The following APBA2 variants were observed in gnomAD, a reference collection of about 807,000 sequenced individuals.
APBA2 encodes the protein amyloid-beta A4 precursor protein-binding family A member 2.
Under a neutral mutation model 75.0 loss-of-function variants are expected in APBA2, and 30 were observed. The ratio of observed to expected loss-of-function variants is 0.40; its 90% CI spans 0.30 to 0.54. The LOEUF (loss-of-function observed/expected upper bound fraction) is 0.54. Among genes scored for constraint, APBA2 ranks in the 20% least tolerant of loss-of-function variants. APBA2 has a pLI of 0.49. For missense variants in APBA2, 801 were observed against 1,016.1 expected (o/e 0.79, Z 2.88); for synonymous variants, 444 against 409.6 (o/e 1.08, Z -1.01).
At chr15:28,929,558 T>TG (rs2034454158) in intron 2 of APBA2, among the ~76,000 whole-genome samples, 1 of 152,164 alleles carries the variant, frequency 6.6e-6, no homozygotes. Context: ...CAGGCTTCCC[T>TG]GGGGCAACAG....
At chr15:28,950,544 G>A (rs886913632) in intron 2 of APBA2, among the ~76,000 whole-genome samples, 3 of 151,544 alleles carry the variant, frequency 2.0e-5, no homozygotes, top group Non-Finnish European at 2.9e-5. Flanking sequence ...GGAGAATGGC[G>A]TGAACCCAGG....
At position 29,074,918 on chromosome 15, in the gene APBA2, C is replaced by T. The variant is rs936607230; in HGVS notation, c.952-3C>T. The T allele has an allele frequency of 3.1e-6, 5 of 1,614,010 alleles. No homozygotes were observed. In the South Asian group the frequency reaches 5.5e-5, roughly 18 times the overall value. ...TCACGATCTTTAACTTCCCCGTTTC[C>T]AGGTTTGCAATGGTCTGGAGCAGCC... On this transcript the variant is annotated splice_polypyrimidine_tract_variant and splice_region_variant and intron_variant, in intron 4 of 14. Coordinates refer to ENST00000683413, the MANE Select transcript of APBA2 (RefSeq NM_001353788.2).
intron 2 of APBA2, among the ~76,000 whole-genome samples, chr15:28,945,289 G>C (rs1031505610): frequency 6.8e-6 from 1 of 146,638 alleles, no homozygotes; most frequent in African/African-American, 2.7e-5. Context: ...ACATCTCAGG[G>C]TGACCTTGGC....
chr15:28,950,436 G>A (rs1396467909), intron 2 of APBA2, among the ~76,000 whole-genome samples: 1 of 151,936 alleles, frequency 6.6e-6, no homozygotes. Context: ...GACCATCTTG[G>A]CTAACATGGT....
At chr15:28,993,838 G>A (rs757097459) in intron 2 of APBA2, among the ~76,000 whole-genome samples, 4 of 152,172 alleles carry the variant, frequency 2.6e-5, no homozygotes, top group Non-Finnish European at 2.9e-5. Flanking sequence ...TTCCTGAGGC[G>A]CTTCTGGGCC....
chr15:29,034,805 G>C (rs542996041), intron 3 of APBA2, among the ~76,000 whole-genome samples: 1 of 152,158 alleles, frequency 6.6e-6, no homozygotes, highest in Non-Finnish European at 1.5e-5. Flanking sequence ...TCATTGGTCT[G>C]GGGGAGGGCC....
chr15:29,074,204 A>G (rs992305062), intron 4 of APBA2, among the ~76,000 whole-genome samples: 1 of 152,214 alleles, frequency 6.6e-6, no homozygotes, highest in Admixed American at 6.5e-5. Context: ...CGTTCATAGC[A>G]GCACCATTCA....
At chr15:29,071,107 T>C (rs1566971623) in intron 4 of APBA2, 1 of 455,892 alleles carries the variant, frequency 2.2e-6, no homozygotes, top group South Asian at 1.6e-5. Flanking sequence ...GGAGTGAGTG[T>C]GCACTAGTTT....
intron 3 of APBA2, among the ~76,000 whole-genome samples, chr15:28,999,077 G>A (rs1403044534): frequency 6.6e-6 from 1 of 151,902 alleles, no homozygotes; most frequent in Admixed American, 6.6e-5. Flanking sequence ...GAACCTGGGG[G>A]GCGGAGGTTG....
intron 1 of APBA2, among the ~76,000 whole-genome samples, chr15:28,893,680 G>A (rs1156715600): frequency 1.3e-5 from 2 of 152,230 alleles, no homozygotes; most frequent in South Asian, 2.1e-4. Context: ...GGAGAGGAGC[G>A]TGTCATCGTT....
intron 2 of APBA2, among the ~76,000 whole-genome samples, chr15:28,940,913 G>T (rs1399782266): frequency 2.6e-5 from 4 of 152,214 alleles, no homozygotes; most frequent in African/African-American, 9.6e-5. Flanking sequence ...AAGTCCACGA[G>T]GATAGTGTTA....
chr15:29,069,487 G>T (rs146261743), intron 4 of APBA2, among the ~76,000 whole-genome samples: 1 of 152,200 alleles, frequency 6.6e-6, no homozygotes, highest in Non-Finnish European at 1.5e-5. Context: ...ATGCATGAGG[G>T]TTCTGATTAC....
rs149181841 is a variant in APBA2, at chr15:29,064,964, C to T, written c.952-9957C>T. Reference sequence around the variant, plus strand: ...TGGACAGTGTCTATAGAGACTTGCACGGAGGGCCCAAGGAGGTGCCAGCAA... The same window carrying T: ...TGGACAGTGTCTATAGAGACTTGCATGGAGGGCCCAAGGAGGTGCCAGCAA... On this transcript the variant is annotated intron_variant, in intron 4 of 14. Coordinates refer to ENST00000683413, the MANE Select transcript of APBA2 (RefSeq NM_001353788.2). 3.6e-3 allele frequency among the ~76,000 whole-genome samples: 542 copies of T among 152,060 alleles called. 5 individuals are homozygous for T. Among genetic ancestry groups the T allele is most frequent in the African/African-American group, 0.012 (493 of 41,460 alleles).
intron 1 of APBA2, among the ~76,000 whole-genome samples, chr15:28,907,739 G>A (rs1245708369): frequency 6.6e-6 from 1 of 152,160 alleles, no homozygotes; most frequent in Non-Finnish European, 1.5e-5. Context: ...TCCCTGGGCT[G>A]ACTCATAAAA....
intron 2 of APBA2, among the ~76,000 whole-genome samples, chr15:28,994,720 T>A (rs2152790522): frequency 6.6e-6 from 1 of 152,298 alleles, no homozygotes; most frequent in Middle Eastern, 3.4e-3. Context: ...GGCCGCTTTC[T>A]TAGAGAAGTG....
intron 6 of APBA2, among the ~76,000 whole-genome samples, chr15:29,092,296 A>G (rs1053827353): frequency 1.3e-5 from 2 of 152,166 alleles, no homozygotes; most frequent in African/African-American, 2.4e-5. Context: ...GAGCCACTCA[A>G]GATTGGTTTG....
chr15:28,928,679 G>A (rs965101277), intron 2 of APBA2, among the ~76,000 whole-genome samples: 1 of 152,198 alleles, frequency 6.6e-6, no homozygotes, highest in African/African-American at 2.4e-5. Context: ...CCTGCGGGGA[G>A]CAGGCCTTTG....
In APBA2 at chr15:29,041,181, G is replaced by A. The variant is rs551993121; in HGVS notation, c.-40-12664G>A. 3.0e-4 allele frequency among the ~76,000 whole-genome samples: 45 copies of A among 152,268 alleles called. 1 individual carries two copies. Among genetic ancestry groups the A allele is most frequent in the African/African-American group, 1.1e-3 (44 of 41,558 alleles). ...CTGAATAAAAGAAAAATGAGTTTAAGAAATGAGTAGGCCAGGTGTGATGGC... is the reference window on the plus strand; with the variant it reads ...CTGAATAAAAGAAAAATGAGTTTAAAAAATGAGTAGGCCAGGTGTGATGGC... On this transcript the variant is annotated intron_variant, in intron 3 of 14. Transcript: ENST00000683413.
Position 29,116,133 on chromosome 15 carries a change from C to T in APBA2, c.2179-929C>T, listed in dbSNP as rs116079152. Among the ~76,000 whole-genome samples the T allele has an allele frequency of 6.4e-3, 967 of 152,274 alleles. 18 individuals carry two copies. Among genetic ancestry groups the T allele is most frequent in the African/African-American group, 0.021 (855 of 41,552 alleles). ...CCGCAAAGAAGGATTACAAGGCGCG[C>T]CACCCACACGGTTGGTCTCCCTGGG... is the stretch of plus-strand genomic sequence containing the variant. On this transcript the variant is annotated intron_variant, in intron 14 of 14. Coordinates refer to ENST00000683413, the MANE Select transcript of APBA2 (RefSeq NM_001353788.2).
Sources: allele counts gnomAD v4.1 joint callset (sites outside exome capture counted in the v4.1 genomes callset), GRCh38; gene constraint gnomAD v4.1.1; transcripts MANE v1.5; gene names NCBI Gene and HGNC (gene_info 2026-07-23, HGNC 2026-07-21).